The following BHMT variants were observed in gnomAD, a reference collection of about 807,000 sequenced individuals.
The protein encoded by BHMT is betaine--homocysteine S-methyltransferase 1.
A neutral mutation model predicts 49.5 loss-of-function variants in BHMT; 38 were observed. The ratio of observed to expected loss-of-function variants is 0.77; its 90% CI spans 0.59 to 1.01. The LOEUF is 1.01. BHMT is among the 50% of genes least tolerant of loss of function. The pLI, the probability that BHMT is intolerant of heterozygous loss-of-function variation, is 0.00. For synonymous variants in BHMT, 166 were observed against 176.3 expected, an observed-to-expected ratio of 0.94 and a Z score of 0.46; for missense variants, 426 against 495.7, an observed-to-expected ratio of 0.86 and a Z score of 1.34.
rs546273874 is a variant in BHMT at position 79,118,648 on chromosome 5, C to T, written c.167-611C>T. Among the ~76,000 whole-genome samples, 35 of 152,328 alleles carry T rather than the reference C, an allele frequency of 2.3e-4. No individual in the cohort carries two copies. The East Asian group carries it at 5.0e-3, about 22-fold the overall frequency. On this transcript the variant is annotated intron_variant, in intron 2 of 7. Transcript: ENST00000274353. ...AAAACTATATATTTCCCTGATTCATCAACTCCAGCCACTCAAGGTACTTGT... is the reference window on the plus strand; with the variant it reads ...AAAACTATATATTTCCCTGATTCATTAACTCCAGCCACTCAAGGTACTTGT...
In BHMT at chr5:79,127,902, G is replaced by A. The variant is rs537868595; in HGVS notation, c.956G>A (p.Gly319Asp). Residue 319 changes from glycine (G) to aspartate (D), a missense_variant, in exon 7 of 8, where the codon GGC becomes GAC. Physicochemically the swap from Gly to Asp is moderately conservative, Grantham distance 94. Transcript: ENST00000274353. ...AIAEELAPER[G>D]FLPPASEKHG... ...GCAGAGGAGCTGGCCCCAGAAAGGG[G>A]CTTTTTGCCACCAGCTTCAGAAAAA... is the stretch of plus-strand genomic sequence containing the variant. 1.1e-4 allele frequency: 184 copies of A among 1,614,120 alleles called. 2 individuals carry two copies. In the South Asian group the frequency reaches 2.0e-3, roughly 17 times the overall value.
chr5:79,119,973 TA>T (rs1756441644), intron 3 of BHMT, among the ~76,000 whole-genome samples: 1 of 152,194 alleles, frequency 6.6e-6, no homozygotes, highest in Admixed American at 6.5e-5. Context: ...TACAGGTATT[TA>T]AATTTAATTT....
intron 7 of BHMT, chr5:79,128,230 T>C (rs1756582204): frequency 3.8e-6 from 2 of 528,836 alleles, no homozygotes; most frequent in Non-Finnish European, 3.1e-6. Context: ...AAAATTGTTT[T>C]TAAATATAGG....
At chr5:79,127,434 G>C (rs1437092794) in intron 6 of BHMT, among the ~76,000 whole-genome samples, 1 of 152,046 alleles carries the variant, frequency 6.6e-6, no homozygotes. Context: ...ATGATGTTTT[G>C]TATAGCCTAG....
intron 5 of BHMT, among the ~76,000 whole-genome samples, chr5:79,124,204 A>G (rs1374330032): frequency 6.6e-6 from 1 of 152,134 alleles, no homozygotes; most frequent in African/African-American, 2.4e-5. Context: ...AAATGTGGAA[A>G]TAGTGATAAT....
intron 6 of BHMT, among the ~76,000 whole-genome samples, chr5:79,127,428 TG>T (rs1756569623): frequency 6.6e-6 from 1 of 152,106 alleles, no homozygotes; most frequent in African/African-American, 2.4e-5. Context: ...GAAACCATGA[TG>T]TTTTGTATAG....
At position 79,115,912 on chromosome 5, in the gene BHMT, C is replaced by T. The variant is rs1415989516; in HGVS notation, c.166+13C>T. 1.2e-6 allele frequency: 2 copies of T among 1,604,648 alleles called. No homozygotes were observed. Among genetic ancestry groups the T allele is most frequent in the East Asian group, 2.2e-5 (1 of 44,610 alleles). ...CACCCAGAAGCAGGTTGGTGCAGAGCTCTATTGTAAGTTCTCATAAAGGAG... is the reference window on the plus strand; with the variant it reads ...CACCCAGAAGCAGGTTGGTGCAGAGTTCTATTGTAAGTTCTCATAAAGGAG... On this transcript the variant is annotated intron_variant, in intron 2 of 7. Coordinates refer to ENST00000274353, the MANE Select transcript of BHMT (RefSeq NM_001713.3).
intron 5 of BHMT, among the ~76,000 whole-genome samples, chr5:79,124,462 C>CAAA (rs56304507): frequency 1.3e-4 from 18 of 139,732 alleles, no homozygotes; most frequent in African/African-American, 4.9e-4. Flanking sequence ...TTTTAAAATG[C>CAAA]AAAAAAAAAA....
chr5:79,122,590 A>G (rs751929184), intron 5 of BHMT, among the ~76,000 whole-genome samples: 15 of 152,092 alleles, frequency 9.9e-5, no homozygotes, highest in Admixed American at 3.3e-4. Context: ...AAGGGTAGCC[A>G]AAAATCTTCA....
chr5:79,121,116 A>C (rs1580271348), intron 4 of BHMT, 102 bp from the exon 5 acceptor site: 1 of 1,419,002 alleles, frequency 7.0e-7, no homozygotes, highest in Non-Finnish European at 9.6e-7. Context: ...GCACCACAGC[A>C]CTCCAGCCTG....
intron 1 of BHMT, 97 bp from the exon 2 acceptor site, chr5:79,115,670 C>A: frequency 7.5e-6 from 10 of 1,333,420 alleles, no homozygotes; most frequent in South Asian, 3.8e-5. Flanking sequence ...CTAAAATAAC[C>A]ACACATCTCC....
At chr5:79,129,940 C>T (rs1401114375) in intron 7 of BHMT, among the ~76,000 whole-genome samples, 1 of 152,176 alleles carries the variant, frequency 6.6e-6, no homozygotes, top group African/African-American at 2.4e-5. Context: ...AGGCGAATCA[C>T]TTGAGCTCAG....
At chr5:79,126,405 A>G (rs1281895507) in intron 6 of BHMT, 177 bp downstream of exon 6, 3 of 642,312 alleles carry the variant, frequency 4.7e-6, no homozygotes, top group Non-Finnish European at 7.7e-6. Flanking sequence ...AGAGAAGAGC[A>G]GAAGGAAAGG....
rs1756573303 is a variant in BHMT at position 79,127,762 on chromosome 5, A to T, written c.816A>T (p.Glu272Asp). 3 of 1,613,932 alleles carry T rather than the reference A, an allele frequency of 1.9e-6. No homozygotes were observed. The highest frequency in any genetic ancestry group is 1.1e-5 in the South Asian group (1 of 91,076). Residue 272 changes from glutamate (E) to aspartate (D), a missense_variant, in exon 7 of 8, where the codon GAA becomes GAT. Physicochemically the swap from Glu to Asp is conservative, Grantham distance 45. Around this residue, in one of 3 missense-constraint regions of BHMT, gnomAD observed 321 missense variants for 355.9 expected, o/e 0.90. Coordinates refer to ENST00000274353, the MANE Select transcript of BHMT (RefSeq NM_001713.3). Reference protein sequence around the residue: ...IDLPEFPFGLEPRVATRWDIQ... With the variant: ...IDLPEFPFGLDPRVATRWDIQ... ...TAATGCCACTTATTACAGGACTGGA[A>T]CCCAGAGTTGCCACCAGATGGGATA...
chr5:79,126,734 C>T (rs1241534598), intron 6 of BHMT, among the ~76,000 whole-genome samples: 6 of 152,046 alleles, frequency 3.9e-5, no homozygotes, highest in Admixed American at 3.9e-4. Context: ...ATACCATCAT[C>T]GAGTGACTGT....
chr5:79,111,993 G>A (rs910125848), intron 1 of BHMT, 75 bp downstream of exon 1: 14 of 1,454,038 alleles, frequency 9.6e-6, no homozygotes, highest in Non-Finnish European at 1.3e-5. Context: ...TGGGAGCGCA[G>A]AGGGGCCCTC....
chr5:79,121,486 G>T, intron 5 of BHMT, 121 bp downstream of exon 5: 1 of 1,323,916 alleles, frequency 7.6e-7, no homozygotes. Flanking sequence ...ATTTATTTTT[G>T]TAAGAATATT....
chr5:79,114,048 C>T (rs1756347355), intron 1 of BHMT, among the ~76,000 whole-genome samples: 1 of 150,128 alleles, frequency 6.7e-6, no homozygotes, highest in Non-Finnish European at 1.5e-5. Context: ...ATTTAAGTGA[C>T]CCTTGTTATG....
At chr5:79,112,257 G>T (rs1396480330) in intron 1 of BHMT, among the ~76,000 whole-genome samples, 1 of 152,198 alleles carries the variant, frequency 6.6e-6, no homozygotes, top group Non-Finnish European at 1.5e-5. Flanking sequence ...CCTCCCTGAC[G>T]GCTGGGTGTC....
Sources: allele counts gnomAD v4.1 joint callset (sites outside exome capture counted in the v4.1 genomes callset), GRCh38; gene constraint gnomAD v4.1.1; regional missense constraint gnomAD v4.1.1; transcripts MANE v1.5; gene names NCBI Gene and HGNC (gene_info 2026-07-23, HGNC 2026-07-21).